Variants in GRID2 observed in about 807,000 individuals in gnomAD.
GRID2 encodes glutamate receptor ionotropic, delta-2.
Under a neutral mutation model 114.8 loss-of-function variants are expected in GRID2, and 33 were observed. That is an observed-to-expected ratio of 0.29 (90% CI 0.22 to 0.38). GRID2 has a LOEUF of 0.38. GRID2 is among the 10% of genes least tolerant of loss of function. The pLI is 1.00. For synonymous variants in GRID2, 505 were observed against 449.9 expected (o/e 1.12, Z -1.55); for missense variants, 1,184 against 1,257.7 (o/e 0.94, Z 0.89).
rs1157954076 is a variant in GRID2 at position 92,572,040 on chromosome 4, G to A, written c.89-18091G>A. Among the ~76,000 whole-genome samples, 4 of 152,038 alleles carry A rather than the reference G, an allele frequency of 2.6e-5. No homozygotes were observed. The East Asian group carries it at 7.7e-4, about 29-fold the overall frequency. On this transcript the variant is annotated intron_variant, in intron 1 of 15. Coordinates refer to ENST00000282020, the MANE Select transcript of GRID2 (RefSeq NM_001510.4). ...GCAAGAAATAACTAAGATCAGAGCA[G>A]AACTGAAGGAAATAGAGACACAAAA... is the stretch of plus-strand genomic sequence containing the variant.
chr4:93,519,863 A>G (rs1219507947), intron 13 of GRID2, among the ~76,000 whole-genome samples: 2 of 152,138 alleles, frequency 1.3e-5, no homozygotes. Flanking sequence ...GTCCAAGAGC[A>G]ATATGGGGAA....
At chr4:92,569,705 A>G (rs763672566) in intron 1 of GRID2, among the ~76,000 whole-genome samples, 1 of 151,796 alleles carries the variant, frequency 6.6e-6, no homozygotes, top group East Asian at 1.9e-4. Flanking sequence ...TTTGATTTGT[A>G]TTTCTCTAAT....
intron 1 of GRID2, among the ~76,000 whole-genome samples, chr4:92,452,631 T>C (rs1028703769): frequency 3.3e-5 from 5 of 151,980 alleles, no homozygotes; most frequent in African/African-American, 1.2e-4. Context: ...CGGCCCTCTT[T>C]AGGTTTTTAA....
intron 11 of GRID2, among the ~76,000 whole-genome samples, chr4:93,470,080 G>A (rs1450594320): frequency 6.6e-6 from 1 of 152,032 alleles, no homozygotes; most frequent in Non-Finnish European, 1.5e-5. Context: ...GGTTAAGCAA[G>A]TTGAAAATTA....
chr4:93,455,549 A>G (rs2149411565), intron 10 of GRID2, 113 bp from the exon 11 acceptor site: 2 of 651,412 alleles, frequency 3.1e-6, no homozygotes, highest in East Asian at 5.4e-5. Context: ...TTATATAAAA[A>G]GATTTATATT....
intron 2 of GRID2, among the ~76,000 whole-genome samples, chr4:92,803,973 G>T (rs1740292694): frequency 6.6e-6 from 1 of 151,816 alleles, no homozygotes. Context: ...GCATTTCTTG[G>T]CTTGTGGCAG....
At chr4:92,765,832 G>A (rs1429769965) in intron 2 of GRID2, among the ~76,000 whole-genome samples, 1 of 152,174 alleles carries the variant, frequency 6.6e-6, no homozygotes, top group African/African-American at 2.4e-5. Flanking sequence ...ACTTGTAGTG[G>A]AAACTCAAGG....
chr4:92,855,659 T>G (rs1001240257), intron 2 of GRID2, among the ~76,000 whole-genome samples: 13 of 152,090 alleles, frequency 8.5e-5, no homozygotes, highest in African/African-American at 2.4e-4. Context: ...AGTGATAAGT[T>G]AATATAAATA....
intron 1 of GRID2, among the ~76,000 whole-genome samples, chr4:92,459,669 G>T (rs776127144): frequency 2.0e-5 from 3 of 151,952 alleles, no homozygotes; most frequent in African/African-American, 4.8e-5. Context: ...TGTTGTAATT[G>T]AAATATGTAT....
intron 14 of GRID2, among the ~76,000 whole-genome samples, chr4:93,674,165 C>A (rs140446242): frequency 4.5e-4 from 68 of 152,270 alleles, no homozygotes; most frequent in Middle Eastern, 6.8e-3. Flanking sequence ...AGTATAAAGT[C>A]AAAACAAATT....
At chr4:92,672,007 G>A (rs1733098398) in intron 2 of GRID2, among the ~76,000 whole-genome samples, 1 of 152,008 alleles carries the variant, frequency 6.6e-6, no homozygotes, top group Non-Finnish European at 1.5e-5. Flanking sequence ...TTAAAAAATA[G>A]CTTAACCAAC....
In GRID2 at chr4:93,596,779, CATT is replaced by C. The variant is rs144422592; in HGVS notation, c.2194-29489_2194-29487del. Among the ~76,000 whole-genome samples the C allele has an allele frequency of 5.3e-3, 800 of 152,236 alleles. 8 individuals carry two copies. Among genetic ancestry groups the C allele is most frequent in the African/African-American group, 0.018 (765 of 41,534 alleles). ...TTACTTGTGAAAACACGATCTGTCTCATTGTTGGATATTGGTTTTTGATAGATC... is the reference window on the plus strand; with the variant it reads ...TTACTTGTGAAAACACGATCTGTCTCGTTGGATATTGGTTTTTGATAGATC... On this transcript the variant is annotated intron_variant, in intron 13 of 15. Transcript: ENST00000282020.
intron 2 of GRID2, among the ~76,000 whole-genome samples, chr4:92,716,927 G>A (rs1434110834): frequency 6.6e-6 from 1 of 152,174 alleles, no homozygotes; most frequent in Non-Finnish European, 1.5e-5. Context: ...TATCTCCAGA[G>A]CAAAAGTGGA....
At chr4:93,012,924 A>G (rs1459798198) in intron 2 of GRID2, among the ~76,000 whole-genome samples, 6 of 152,002 alleles carry the variant, frequency 3.9e-5, no homozygotes, top group Non-Finnish European at 8.8e-5. Context: ...TATATATAAA[A>G]CATTTATCAT....
At chr4:92,770,130 A>T (rs1319805982) in intron 2 of GRID2, among the ~76,000 whole-genome samples, 2 of 152,204 alleles carry the variant, frequency 1.3e-5, no homozygotes, top group Non-Finnish European at 2.9e-5. Flanking sequence ...CTTCCACAAG[A>T]TAGCCTAAAT....
chr4:93,481,937 AAATTCAG>A, intron 11 of GRID2, among the ~76,000 whole-genome samples: 1 of 152,170 alleles, frequency 6.6e-6, no homozygotes, highest in South Asian at 2.1e-4. Context: ...GGAATGCTTG[AAATTCAG>A]ATTACAGAAG....
intron 4 of GRID2, among the ~76,000 whole-genome samples, chr4:93,157,125 A>G (rs1000542920): frequency 2.0e-5 from 3 of 151,698 alleles, no homozygotes; most frequent in Admixed American, 2.0e-4. Flanking sequence ...TCCAGATCCC[A>G]TGTACCTGGT....
At chr4:93,214,960 C>T (rs1211708760) in intron 5 of GRID2, among the ~76,000 whole-genome samples, 1 of 151,924 alleles carries the variant, frequency 6.6e-6, no homozygotes, top group Non-Finnish European at 1.5e-5. Context: ...ATAAATTCAT[C>T]CTATGAGTAG....
chr4:93,477,718 T>C (rs1725455845), intron 11 of GRID2, among the ~76,000 whole-genome samples: 1 of 152,122 alleles, frequency 6.6e-6, no homozygotes, highest in Non-Finnish European at 1.5e-5. Flanking sequence ...CTACTTTCAG[T>C]GGATATTAGT....
Sources: gnomAD v4.1 joint callset for allele counts (sites outside exome capture counted in the v4.1 genomes callset) on GRCh38, gnomAD v4.1.1 for gene constraint, MANE v1.5 for transcripts, NCBI Gene and HGNC (gene_info 2026-07-23, HGNC 2026-07-21) for gene names.